Variants in KCNN2 observed in about 807,000 individuals in gnomAD.
KCNN2 encodes the protein potassium calcium-activated channel subfamily N member 2.
KCNN2 carries 24 observed loss-of-function variants against 55.5 expected under a neutral mutation model. That is an observed-to-expected ratio of 0.43 (90% CI 0.31 to 0.61). The LOEUF (loss-of-function observed/expected upper bound fraction) is 0.61, where lower values mean the gene tolerates loss of function less well. Among genes scored for constraint, KCNN2 ranks in the 20% least tolerant of loss-of-function variants. The probability of loss-of-function intolerance (pLI) is 0.08; values close to 1 mark genes in which losing one functional copy is unlikely to be tolerated. For missense variants in KCNN2, 754 were observed against 853.6 expected (o/e 0.88, Z 1.45); for synonymous variants, 431 against 336.1 (o/e 1.28, Z -3.09).
At chr5:114,092,022 T>C (rs1015760011) in intron 1 of KCNN2, among the ~76,000 whole-genome samples, 1 of 152,200 alleles carries the variant, frequency 6.6e-6, no homozygotes, top group African/African-American at 2.4e-5. Context: ...TTCCTAACAG[T>C]TTCCTAAAGT....
At chr5:114,202,930 C>T (rs1350462098) in intron 1 of KCNN2, among the ~76,000 whole-genome samples, 2 of 152,080 alleles carry the variant, frequency 1.3e-5, no homozygotes, top group Non-Finnish European at 1.5e-5. Context: ...TGTTGTATAT[C>T]AAATAAGAAA....
intron 1 of KCNN2, among the ~76,000 whole-genome samples, chr5:114,189,009 A>G (rs577510741): frequency 6.6e-6 from 1 of 152,254 alleles, no homozygotes; most frequent in East Asian, 1.9e-4. Flanking sequence ...GCAAGGAAAA[A>G]CTTGCTCTAT....
chr5:114,113,188 G>C (rs1244742266), intron 1 of KCNN2, among the ~76,000 whole-genome samples: 3 of 151,996 alleles, frequency 2.0e-5, no homozygotes. Context: ...TGTCGAATGA[G>C]TCTGGAGTTC....
intron 3 of KCNN2, among the ~76,000 whole-genome samples, chr5:114,418,580 C>T (rs1419955181): frequency 1.3e-5 from 2 of 150,782 alleles, no homozygotes; most frequent in East Asian, 2.0e-4. Flanking sequence ...GTGGGGCTGG[C>T]GGGGAGTTGG....
At chr5:114,209,257 C>G (rs1753832068) in intron 1 of KCNN2, among the ~76,000 whole-genome samples, 1 of 151,894 alleles carries the variant, frequency 6.6e-6, no homozygotes, top group South Asian at 2.1e-4. Flanking sequence ...CTCCTGCTCC[C>G]TTGTCTCCAG....
At chr5:114,109,399 A>G (rs1214192210) in intron 1 of KCNN2, among the ~76,000 whole-genome samples, 1 of 152,066 alleles carries the variant, frequency 6.6e-6, no homozygotes, top group East Asian at 1.9e-4. Context: ...CTTGGTTAGA[A>G]GGAAGTTGCA....
chr5:114,309,280 T>C (rs970622633), intron 2 of KCNN2, among the ~76,000 whole-genome samples: 4 of 152,164 alleles, frequency 2.6e-5, no homozygotes, highest in Non-Finnish European at 4.4e-5. Flanking sequence ...CAAAATTAGA[T>C]TCAAGGTCCG....
At chr5:114,291,967 T>G (rs1349399842) in intron 2 of KCNN2, among the ~76,000 whole-genome samples, 1 of 152,190 alleles carries the variant, frequency 6.6e-6, no homozygotes, top group Non-Finnish European at 1.5e-5. Context: ...TTTCATGTGT[T>G]TTTTGGCTGC....
intron 3 of KCNN2, among the ~76,000 whole-genome samples, chr5:114,461,370 G>A (rs940202689): frequency 2.0e-5 from 3 of 152,122 alleles, no homozygotes; most frequent in East Asian, 1.9e-4. Context: ...GGTGAGGAAC[G>A]GTGGTGATTT....
chr5:114,269,221 GATT>G (rs1368303207), intron 2 of KCNN2, among the ~76,000 whole-genome samples: 1 of 152,084 alleles, frequency 6.6e-6, no homozygotes, highest in Non-Finnish European at 1.5e-5. Context: ...CCTACTCATT[GATT>G]ATTATTATTT....
At chr5:114,355,653 A>G (rs1463028149) in intron 2 of KCNN2, among the ~76,000 whole-genome samples, 3 of 150,864 alleles carry the variant, frequency 2.0e-5, no homozygotes, top group East Asian at 1.9e-4. Flanking sequence ...CAAGTCTGCC[A>G]GAGTAGGAGC....
chr5:114,120,930 G>A (rs1751819748), intron 1 of KCNN2, among the ~76,000 whole-genome samples: 1 of 152,196 alleles, frequency 6.6e-6, no homozygotes, highest in South Asian at 2.1e-4. Flanking sequence ...TGTGTCTAGG[G>A]AGCAGTACTT....
At chr5:114,058,347 CAGAT>C (rs1241399273) in intron 1 of KCNN2, among the ~76,000 whole-genome samples, 1 of 152,074 alleles carries the variant, frequency 6.6e-6, no homozygotes, top group Non-Finnish European at 1.5e-5. Flanking sequence ...ATGGTTACCT[CAGAT>C]GGAGGAGAAA....
intron 1 of KCNN2, among the ~76,000 whole-genome samples, chr5:114,190,431 C>T (rs1173805558): frequency 2.6e-5 from 4 of 151,762 alleles, no homozygotes; most frequent in African/African-American, 9.7e-5. Flanking sequence ...AGATATAGCC[C>T]CCAAAATAAT....
intron 1 of KCNN2, among the ~76,000 whole-genome samples, chr5:114,064,411 A>G (rs898964590): frequency 6.6e-5 from 10 of 152,156 alleles, no homozygotes; most frequent in African/African-American, 2.4e-4. Flanking sequence ...TCTCCATGCT[A>G]GAGGGAGAAC....
intron 2 of KCNN2, among the ~76,000 whole-genome samples, chr5:114,259,898 G>A (rs1022981572): frequency 2.0e-5 from 3 of 152,056 alleles, no homozygotes; most frequent in East Asian, 1.9e-4. Context: ...TGTAACTTTC[G>A]TTCTTCTTTC....
intron 3 of KCNN2, among the ~76,000 whole-genome samples, chr5:114,410,950 A>G (rs1449423678): frequency 1.3e-5 from 2 of 152,214 alleles, no homozygotes; most frequent in African/African-American, 4.8e-5. Flanking sequence ...AAAGCAGACA[A>G]ACTGGAGAAG....
At chr5:114,080,079 A>G (rs1750776196) in intron 1 of KCNN2, among the ~76,000 whole-genome samples, 1 of 152,064 alleles carries the variant, frequency 6.6e-6, no homozygotes, top group African/African-American at 2.4e-5. Flanking sequence ...CTTGGAGATG[A>G]TGTTAGTCCC....
At chr5:114,161,595 GT>G (rs1384948586) in intron 1 of KCNN2, among the ~76,000 whole-genome samples, 1 of 152,188 alleles carries the variant, frequency 6.6e-6, no homozygotes, top group African/African-American at 2.4e-5. Flanking sequence ...CCTGCAGAGT[GT>G]TTTCCAACTT....
Sources: allele counts gnomAD v4.1 joint callset (sites outside exome capture counted in the v4.1 genomes callset), GRCh38; gene constraint gnomAD v4.1.1; transcripts MANE v1.5; gene names NCBI Gene and HGNC (gene_info 2026-07-23, HGNC 2026-07-21).